TP53BP1: variants seen among roughly 807,000 people sequenced by gnomAD.
TP53BP1 encodes TP53-binding protein 1.
Under a neutral mutation model 200.8 loss-of-function variants are expected in TP53BP1, and 61 were observed. That is an observed-to-expected ratio of 0.30 (90% CI 0.25 to 0.38). The LOEUF is 0.38. Among genes scored for constraint, TP53BP1 ranks in the 10% least tolerant of loss-of-function variants. TP53BP1 has a pLI of 1.00. For synonymous variants in TP53BP1, 822 were observed against 844.3 expected (o/e 0.97, Z 0.46); for missense variants, 2,144 against 2,371.9 (o/e 0.90, Z 2.00).
intron 9 of TP53BP1, among the ~76,000 whole-genome samples, chr15:43,475,015 G>A (rs1271806082): frequency 6.6e-6 from 1 of 152,194 alleles, no homozygotes; most frequent in African/African-American, 2.4e-5. Context: ...CAAAGTGAAT[G>A]ATCAGACACA....
At chr15:43,454,672 C>G (rs1281465437) in intron 12 of TP53BP1, among the ~76,000 whole-genome samples, 2 of 151,052 alleles carry the variant, frequency 1.3e-5, no homozygotes, top group Non-Finnish European at 3.0e-5. Context: ...CTACATTATA[C>G]TAACTCTAAG....
chr15:43,491,530 T>C lies in TP53BP1; in HGVS notation c.371+139A>G, dbSNP rs577167157. On this transcript the variant is annotated intron_variant, in intron 4 of 27. Coordinates refer to ENST00000382044, the MANE Select transcript of TP53BP1 (RefSeq NM_001141980.3). Reference sequence around the variant, plus strand: ...AGCTATCAGTACTATTACAATACTATCTAATACAACCCTCAAGTCCCATTT... The same window carrying C: ...AGCTATCAGTACTATTACAATACTACCTAATACAACCCTCAAGTCCCATTT... 43 of 726,114 alleles carry C rather than the reference T, an allele frequency of 5.9e-5. No individual in the cohort carries two copies. Among genetic ancestry groups the C allele is most frequent in the Non-Finnish European group, 9.9e-5 (40 of 405,058 alleles). The allele number at this position is 726,114 out of a possible 1,614,324, so 45.0% of individuals were successfully genotyped here. A position where few individuals can be genotyped will look rare whatever the true frequency, so the allele number is the denominator to read the frequency against.
intron 11 of TP53BP1, among the ~76,000 whole-genome samples, chr15:43,459,037 T>TTCGTAAGATGTG (rs2046367025): frequency 1.3e-5 from 2 of 152,132 alleles, no homozygotes; most frequent in African/African-American, 4.8e-5. Flanking sequence ...AGAATTATTA[T>TTCGTAAGATGTG]TCGTAAGATG....
chr15:43,507,201 C>G (rs2079242013), intron 1 of TP53BP1, among the ~76,000 whole-genome samples: 1 of 151,998 alleles, frequency 6.6e-6, no homozygotes, highest in Non-Finnish European at 1.5e-5. Flanking sequence ...GTGGCACAAT[C>G]TCCACTCACT....
intron 16 of TP53BP1, 138 bp from the exon 17 acceptor site, chr15:43,432,815 G>A: frequency 1.1e-6 from 1 of 915,410 alleles, no homozygotes; most frequent in South Asian, 1.9e-5. Flanking sequence ...AAGGAAGGGA[G>A]AAAGTCAGGT....
chr15:43,499,571 G>A (rs1013347044), intron 1 of TP53BP1, among the ~76,000 whole-genome samples: 1 of 152,162 alleles, frequency 6.6e-6, no homozygotes, highest in African/African-American at 2.4e-5. Context: ...AGGTCTCAAA[G>A]GCTGATCTGG....
In TP53BP1 at chr15:43,491,649, C is replaced by A. The variant is rs374316693; in HGVS notation, c.371+20G>T. On this transcript the variant is annotated intron_variant, in intron 4 of 27. Coordinates refer to ENST00000382044, the MANE Select transcript of TP53BP1 (RefSeq NM_001141980.3). The stretch of plus-strand genomic sequence containing the variant: ...AAATCTGATAATACATTTAAATAAA[C>A]CCCTTCAAACACTGTATACCTGCTT... 2 of 1,564,992 alleles carry A rather than the reference C, an allele frequency of 1.3e-6. No homozygotes were observed. Among genetic ancestry groups the A allele is most frequent in the African/African-American group, 2.7e-5 (2 of 74,034 alleles).
intron 16 of TP53BP1, among the ~76,000 whole-genome samples, chr15:43,436,428 C>T (rs1411118605): frequency 1.3e-5 from 2 of 152,074 alleles, no homozygotes; most frequent in African/African-American, 4.8e-5. Flanking sequence ...TTTCTCTACA[C>T]TAAATATAAG....
chr15:43,487,522 G>A (rs566366952), intron 4 of TP53BP1, among the ~76,000 whole-genome samples: 1 of 152,164 alleles, frequency 6.6e-6, no homozygotes, highest in Admixed American at 6.5e-5. Flanking sequence ...GCCGGGCACA[G>A]TGACTCACAC....
chr15:43,439,587 T>C (rs1053196142), intron 15 of TP53BP1, among the ~76,000 whole-genome samples: 2 of 152,192 alleles, frequency 1.3e-5, no homozygotes, highest in Non-Finnish European at 2.9e-5. Flanking sequence ...CAAGGACCAC[T>C]TCCAATATTG....
At position 43,438,436 on chromosome 15, in the gene TP53BP1, C is replaced by CTTT; in HGVS notation, c.3099-21_3099-20insAAA. The CTTT allele has an allele frequency of 6.4e-6, 10 of 1,559,936 alleles. No individual in the cohort carries two copies. Among genetic ancestry groups the CTTT allele is most frequent in the Non-Finnish European group, 8.8e-6 (10 of 1,140,778 alleles). On this transcript the variant is annotated intron_variant, in intron 15 of 27. Transcript: ENST00000382044. ...TGGGGACTAAGACAATATATTAAAG[C>CTTT]AATATATTGTTAACTTTGAAAAGAA... is the stretch of plus-strand genomic sequence containing the variant.
chr15:43,465,799 T>TTTG (rs142110979), intron 11 of TP53BP1, among the ~76,000 whole-genome samples: 32 of 150,790 alleles, frequency 2.1e-4, no homozygotes, highest in East Asian at 1.7e-3. Context: ...TGTTTTGTTT[T>TTTG]TTGTTGTTGT....
chr15:43,470,045 A>T lies in TP53BP1; in HGVS notation c.1202T>A (p.Val401Glu), dbSNP rs776943243. 1.2e-6 allele frequency: 2 copies of T among 1,613,110 alleles called. 1 individual carries two copies. The highest frequency in any genetic ancestry group is 2.2e-5 in the South Asian group (2 of 91,038). Residue 401 changes from valine to glutamate, a missense_variant, in exon 11 of 28, where the codon GTG (valine) becomes GAG (glutamate). Physicochemically the swap from Val to Glu is moderately radical, Grantham distance 121. This residue lies in a region of TP53BP1 where 1,700 missense variants were observed against 1,710.3 expected (regional missense o/e 0.99). Coordinates refer to ENST00000382044, the MANE Select transcript of TP53BP1 (RefSeq NM_001141980.3). ...GRQDKPMDTS[V>E]LSEEGGEPFQ... ...AGGCTCTCCTCCTTCTTCAGATAACACTGACGTGTCCATTGGCTTATCTGG... is the reference window on the plus strand; with the variant it reads ...AGGCTCTCCTCCTTCTTCAGATAACTCTGACGTGTCCATTGGCTTATCTGG...
At chr15:43,468,698 A>C (rs1390725907) in intron 11 of TP53BP1, among the ~76,000 whole-genome samples, 1 of 152,214 alleles carries the variant, frequency 6.6e-6, no homozygotes, top group Non-Finnish European at 1.5e-5. Context: ...CATTTTATAT[A>C]TATTAACTCA....
At chr15:43,462,782 C>T (rs760781609) in intron 11 of TP53BP1, among the ~76,000 whole-genome samples, 8 of 152,102 alleles carry the variant, frequency 5.3e-5, no homozygotes, top group Admixed American at 2.0e-4. Flanking sequence ...TCAGGCCAGG[C>T]GTGGTGGCTC....
chr15:43,472,674 T>G (rs955200138), intron 10 of TP53BP1, among the ~76,000 whole-genome samples: 20 of 152,246 alleles, frequency 1.3e-4, no homozygotes, highest in African/African-American at 4.8e-4. Flanking sequence ...CAGAAATGTG[T>G]TCACGTGTTG....
At chr15:43,430,834 A>G (rs558074594) in intron 17 of TP53BP1, among the ~76,000 whole-genome samples, 1 of 152,330 alleles carries the variant, frequency 6.6e-6, no homozygotes, top group African/African-American at 2.4e-5. Context: ...TCATGGATAG[A>G]TTTGTTCTTA....
At position 43,437,494 on chromosome 15, in the gene TP53BP1, T is replaced by C. The variant is rs76755064; in HGVS notation, c.3191+830A>G. Among the ~76,000 whole-genome samples, 754 of 152,138 alleles carry C rather than the reference T, an allele frequency of 5.0e-3. 7 individuals are homozygous for C. Among genetic ancestry groups the C allele is most frequent in the African/African-American group, 0.018 (739 of 41,512 alleles). On this transcript the variant is annotated intron_variant, in intron 16 of 27. Transcript: ENST00000382044. ...CAAAGAATAGAAAAATTAGCCGGTATGGTGGCGCATGCTTGTGGTCCTAGC... is the reference window on the plus strand; with the variant it reads ...CAAAGAATAGAAAAATTAGCCGGTACGGTGGCGCATGCTTGTGGTCCTAGC...
chr15:43,406,760 C>T lies in TP53BP1; in HGVS notation c.*623G>A, dbSNP rs2044906185. The T allele has an allele frequency of 1.6e-5, 6 of 372,628 alleles. No individual in the cohort carries two copies. The highest frequency in any genetic ancestry group is 7.4e-5 in the East Asian group (1 of 13,494). The allele number at this position is 372,628 out of a possible 1,614,324, so 23.1% of individuals were successfully genotyped here. On this transcript the variant is annotated 3_prime_UTR_variant, in exon 28 of 28. Coordinates refer to ENST00000382044, the MANE Select transcript of TP53BP1 (RefSeq NM_001141980.3). ...CGTGTAACATTTCCAGGTGTTCTCA[C>T]TTGTGCTTCCCATGTTTATCTTACG...
Sources: gnomAD v4.1 joint callset for allele counts (sites outside exome capture counted in the v4.1 genomes callset) on GRCh38, gnomAD v4.1.1 for gene constraint, gnomAD v4.1.1 regional missense constraint, MANE v1.5 for transcripts, NCBI Gene and HGNC (gene_info 2026-07-23, HGNC 2026-07-21) for gene names.